Variants in ANKS1B observed in about 807,000 individuals in gnomAD.
The protein encoded by ANKS1B is ankyrin repeat and sterile alpha motif domain containing 1B, also known as ankyrin repeat and sterile alpha motif domain-containing protein 1B.
ANKS1B carries 36 observed loss-of-function variants against 148.3 expected under a neutral mutation model. That is an observed-to-expected ratio of 0.24 (90% CI 0.19 to 0.32). ANKS1B has a LOEUF of 0.32. ANKS1B is among the 10% of genes least tolerant of loss of function. The probability of loss-of-function intolerance (pLI) is 1.00; values close to 1 mark genes in which losing one functional copy is unlikely to be tolerated. For missense variants in ANKS1B, 1,157 were observed against 1,542.6 expected (o/e 0.75, Z 4.19); for synonymous variants, 542 against 560.8 (o/e 0.97, Z 0.47).
At chr12:99,288,474 T>C (rs147521599) in intron 12 of ANKS1B, among the ~76,000 whole-genome samples, 7 of 152,240 alleles carry the variant, frequency 4.6e-5, no homozygotes, top group Middle Eastern at 3.4e-3. Flanking sequence ...CATCTGAACA[T>C]ACAAAACTCA....
At position 99,281,349 on chromosome 12, in the gene ANKS1B, G is replaced by A. The variant is rs1018907786; in HGVS notation, c.1757-34485C>T. ...ATGTAACTAAAAATTAACTGTTTCA[G>A]TGGAATGAATACCTCTTTGCTTGTG... On this transcript the variant is annotated intron_variant, in intron 12 of 26. Transcript: ENST00000683438. 1.4e-4 allele frequency among the ~76,000 whole-genome samples: 21 copies of A among 152,328 alleles called. No homozygotes were observed. In the East Asian group the frequency reaches 3.3e-3, roughly 24 times the overall value.
chr12:99,878,641 C>T (rs1210348974), intron 1 of ANKS1B, among the ~76,000 whole-genome samples: 2 of 152,104 alleles, frequency 1.3e-5, no homozygotes, highest in African/African-American at 2.4e-5. Flanking sequence ...TCCTATTTCC[C>T]ATCTCATTAT....
intron 14 of ANKS1B, among the ~76,000 whole-genome samples, chr12:99,180,220 A>T (rs1381105013): frequency 6.6e-6 from 1 of 152,132 alleles, no homozygotes; most frequent in Non-Finnish European, 1.5e-5. Context: ...CCCATAGTAC[A>T]TTATTTATGC....
chr12:99,258,610 GT>G (rs56955440), intron 12 of ANKS1B, among the ~76,000 whole-genome samples: 42 of 134,752 alleles, frequency 3.1e-4, no homozygotes, highest in South Asian at 1.7e-3. Flanking sequence ...TTATCCACTT[GT>G]TTTTTTTTTT....
chr12:98,963,380 G>A (rs552256791), intron 17 of ANKS1B, among the ~76,000 whole-genome samples: 3 of 152,062 alleles, frequency 2.0e-5, no homozygotes, highest in Non-Finnish European at 4.4e-5. Flanking sequence ...GTTTCACCAT[G>A]TAGGCTAGGC....
At chr12:99,502,173 C>A (rs1358530172) in intron 10 of ANKS1B, among the ~76,000 whole-genome samples, 2 of 152,110 alleles carry the variant, frequency 1.3e-5, no homozygotes, top group Admixed American at 1.3e-4. Flanking sequence ...ACCCTCTGTG[C>A]CCCAATTAAA....
chr12:99,430,750 A>G (rs1323791704), intron 11 of ANKS1B, among the ~76,000 whole-genome samples: 1 of 152,206 alleles, frequency 6.6e-6, no homozygotes, highest in Admixed American at 6.5e-5. Context: ...CTTCTGTAGT[A>G]AAATCACCTT....
chr12:99,960,789 C>T (rs10507114), intron 1 of ANKS1B, among the ~76,000 whole-genome samples: 31,306 of 151,976 alleles, frequency 0.21, 3,508 homozygotes, highest in African/African-American at 0.25. Context: ...ACATTTATAG[C>T]CAATAACCAG....
chr12:99,146,382 T>C (rs1397757863), intron 15 of ANKS1B, among the ~76,000 whole-genome samples: 1 of 152,050 alleles, frequency 6.6e-6, no homozygotes, highest in Non-Finnish European at 1.5e-5. Context: ...CAGGATAGTG[T>C]TGGGGAATAC....
intron 8 of ANKS1B, among the ~76,000 whole-genome samples, chr12:99,698,637 A>G (rs1252900212): frequency 2.6e-5 from 4 of 152,186 alleles, no homozygotes; most frequent in Admixed American, 6.5e-5. Context: ...ACAGCAAACA[A>G]TAAGTTCCTT....
chr12:99,438,132 C>T (rs1202539353), intron 11 of ANKS1B, among the ~76,000 whole-genome samples: 2 of 151,770 alleles, frequency 1.3e-5, no homozygotes, highest in African/African-American at 4.8e-5. Flanking sequence ...TTCTCTCTCT[C>T]TTTTTTGCTA....
intron 17 of ANKS1B, among the ~76,000 whole-genome samples, chr12:98,929,851 A>G (rs1391501019): frequency 6.6e-6 from 1 of 152,132 alleles, no homozygotes; most frequent in African/African-American, 2.4e-5. Flanking sequence ...GAAAACATAG[A>G]AGAAAATCTT....
intron 12 of ANKS1B, among the ~76,000 whole-genome samples, chr12:99,365,699 G>T (rs559692715): frequency 2.6e-5 from 4 of 152,200 alleles, no homozygotes; most frequent in East Asian, 1.9e-4. Flanking sequence ...TCTGATCCCT[G>T]GGGATCAGAG....
At chr12:98,916,375 A>G (rs1335794666) in intron 17 of ANKS1B, among the ~76,000 whole-genome samples, 1 of 152,214 alleles carries the variant, frequency 6.6e-6, no homozygotes, top group African/African-American at 2.4e-5. Context: ...GCTGCTCTCC[A>G]TTCTGACAGC....
At chr12:99,452,688 A>T (rs1253341313) in intron 10 of ANKS1B, among the ~76,000 whole-genome samples, 1 of 152,228 alleles carries the variant, frequency 6.6e-6, no homozygotes, top group African/African-American at 2.4e-5. Flanking sequence ...CACTTGAGGA[A>T]GATAATATTT....
At chr12:99,841,340 G>A (rs114555731) in intron 1 of ANKS1B, among the ~76,000 whole-genome samples, 1,676 of 151,996 alleles carry the variant, frequency 0.011, 39 homozygotes, top group African/African-American at 0.038. Context: ...AATGTCGGAT[G>A]AGAAGCATCT....
intron 1 of ANKS1B, among the ~76,000 whole-genome samples, chr12:99,903,743 A>G (rs2093679242): frequency 6.6e-6 from 1 of 150,452 alleles, no homozygotes; most frequent in African/African-American, 2.5e-5. Context: ...CGGAGGAAAA[A>G]TGGGAGGGGG....
intron 17 of ANKS1B, among the ~76,000 whole-genome samples, chr12:99,009,082 A>G (rs1160550556): frequency 6.6e-6 from 1 of 152,238 alleles, no homozygotes; most frequent in Non-Finnish European, 1.5e-5. Context: ...GGCATAGTCA[A>G]GACCAATGCT....
chr12:99,631,101 T>C (rs1444444873), intron 9 of ANKS1B, among the ~76,000 whole-genome samples: 1 of 152,102 alleles, frequency 6.6e-6, no homozygotes, highest in Non-Finnish European at 1.5e-5. Context: ...TTGTGAGGCC[T>C]CCCCAGCCAT....
Sources: allele counts gnomAD v4.1 joint callset (sites outside exome capture counted in the v4.1 genomes callset), GRCh38; gene constraint gnomAD v4.1.1; transcripts MANE v1.5; gene names NCBI Gene and HGNC (gene_info 2026-07-23, HGNC 2026-07-21).